The following GRIN2B variants were observed in gnomAD, a reference collection of about 807,000 sequenced individuals.
The protein encoded by GRIN2B is glutamate receptor ionotropic, NMDA 2B.
GRIN2B carries 5 observed loss-of-function variants against 114.5 expected under a neutral mutation model. That is an observed-to-expected ratio of 0.04 (90% CI 0.02 to 0.09). The LOEUF is 0.09. Among genes scored for constraint, GRIN2B ranks in the 10% least tolerant of loss-of-function variants. GRIN2B has a pLI of 1.00. For missense variants in GRIN2B, 1,108 were observed against 1,943.5 expected (o/e 0.57, Z 8.08); for synonymous variants, 787 against 745.1 (o/e 1.06, Z -0.92).
chr12:13,739,116 C>T (rs1467680407), intron 4 of GRIN2B, among the ~76,000 whole-genome samples: 35 of 152,090 alleles, frequency 2.3e-4, no homozygotes, highest in Admixed American at 2.3e-3. Context: ...TGTGGTGGCT[C>T]ACGCCTGTAA....
At chr12:13,881,283 C>A (rs1371012385) in intron 2 of GRIN2B, among the ~76,000 whole-genome samples, 1 of 152,178 alleles carries the variant, frequency 6.6e-6, no homozygotes. Context: ...GCACCATCCA[C>A]CTCAACACTT....
At position 13,819,668 on chromosome 12, in the gene GRIN2B, T is replaced by C. The variant is rs563117882; in HGVS notation, c.411+46130A>G. Reference sequence around the variant, plus strand: ...CACAAAACACAAAAATATGAGCACTTTTAAGATGAAATTAAGACTACAAAC... The same window carrying C: ...CACAAAACACAAAAATATGAGCACTCTTAAGATGAAATTAAGACTACAAAC... On this transcript the variant is annotated intron_variant, in intron 3 of 13. Coordinates refer to ENST00000609686, the MANE Select transcript of GRIN2B (RefSeq NM_000834.5). Among the ~76,000 whole-genome samples, 4 of 152,290 alleles carry C rather than the reference T, an allele frequency of 2.6e-5. No individual in the cohort carries two copies. In the South Asian group the frequency reaches 8.3e-4, roughly 32 times the overall value.
At chr12:13,842,971 T>C (rs2136717088) in intron 3 of GRIN2B, among the ~76,000 whole-genome samples, 1 of 148,496 alleles carries the variant, frequency 6.7e-6, no homozygotes, top group East Asian at 1.9e-4. Context: ...AACACTGCTT[T>C]TTAATTTTTT....
chr12:13,907,055 TC>T (rs1218287595), intron 2 of GRIN2B, among the ~76,000 whole-genome samples: 1 of 152,182 alleles, frequency 6.6e-6, no homozygotes, highest in Non-Finnish European at 1.5e-5. Context: ...GTAAGATTCC[TC>T]CCAGCCTCAC....
chr12:13,680,822 G>T (rs1240224099), intron 4 of GRIN2B, among the ~76,000 whole-genome samples: 4 of 151,990 alleles, frequency 2.6e-5, no homozygotes, highest in Non-Finnish European at 4.4e-5. Flanking sequence ...GCACATCCTG[G>T]ACTATATAGA....
chr12:13,697,534 A>G (rs1383816931), intron 4 of GRIN2B, among the ~76,000 whole-genome samples: 1 of 152,206 alleles, frequency 6.6e-6, no homozygotes, highest in Admixed American at 6.5e-5. Context: ...TGACAGTGAC[A>G]TTCCAAAAGC....
chr12:13,939,991 C>A (rs1359060033), intron 2 of GRIN2B, among the ~76,000 whole-genome samples: 1 of 152,084 alleles, frequency 6.6e-6, no homozygotes, highest in Non-Finnish European at 1.5e-5. Context: ...ACCACAGTGA[C>A]CTGTAAACCT....
intron 3 of GRIN2B, among the ~76,000 whole-genome samples, chr12:13,795,956 T>A (rs988312980): frequency 1.3e-5 from 2 of 151,522 alleles, no homozygotes; most frequent in Admixed American, 6.6e-5. Context: ...GGGGGAGGGA[T>A]AACATTAGGA....
chr12:13,869,146 C>G (rs1390911128), intron 2 of GRIN2B, among the ~76,000 whole-genome samples: 1 of 152,052 alleles, frequency 6.6e-6, no homozygotes, highest in Admixed American at 6.5e-5. Flanking sequence ...CCTACTTTAA[C>G]TAGTTGATAA....
intron 4 of GRIN2B, among the ~76,000 whole-genome samples, chr12:13,685,576 C>T (rs1950169230): frequency 6.6e-6 from 1 of 152,066 alleles, no homozygotes; most frequent in South Asian, 2.1e-4. Flanking sequence ...ACTCAAGATG[C>T]CTGGGTGAAG....
At chr12:13,921,320 C>A (rs143483787) in intron 2 of GRIN2B, among the ~76,000 whole-genome samples, 3,950 of 152,234 alleles carry the variant, frequency 0.026, 86 homozygotes, top group Middle Eastern at 0.092. Flanking sequence ...ATCGCTTGAA[C>A]CCGGGAGGCA....
intron 3 of GRIN2B, among the ~76,000 whole-genome samples, chr12:13,839,476 T>C (rs1865342672): frequency 6.6e-6 from 1 of 152,228 alleles, no homozygotes; most frequent in Admixed American, 6.5e-5. Flanking sequence ...TTCAGCTCCC[T>C]CTAGCCAGAA....
chr12:13,881,023 C>CGTGCGT (rs1565573550), intron 2 of GRIN2B, among the ~76,000 whole-genome samples: 8 of 149,424 alleles, frequency 5.4e-5, no homozygotes, highest in African/African-American at 1.9e-4. Context: ...TGCGCGTGCG[C>CGTGCGT]GCACGCATGT....
At chr12:13,857,933 T>G (rs1865691858) in intron 3 of GRIN2B, among the ~76,000 whole-genome samples, 1 of 152,078 alleles carries the variant, frequency 6.6e-6, no homozygotes, top group Non-Finnish European at 1.5e-5. Context: ...CTTCCAACCA[T>G]GACAAAATGC....
chr12:13,599,810 C>T (rs899527677), intron 10 of GRIN2B, among the ~76,000 whole-genome samples: 2 of 152,168 alleles, frequency 1.3e-5, no homozygotes, highest in African/African-American at 4.8e-5. Flanking sequence ...CTGCTCCTCC[C>T]CACCTGGGAG....
chr12:13,684,291 A>G (rs1950157998), intron 4 of GRIN2B, among the ~76,000 whole-genome samples: 1 of 152,164 alleles, frequency 6.6e-6, no homozygotes, highest in Non-Finnish European at 1.5e-5. Flanking sequence ...TGCTTTGAAC[A>G]CTATGTAATT....
chr12:13,846,226 A>G (rs1865470018), intron 3 of GRIN2B, among the ~76,000 whole-genome samples: 1 of 152,206 alleles, frequency 6.6e-6, no homozygotes, highest in Non-Finnish European at 1.5e-5. Context: ...TCTAACATCT[A>G]CACCATGCAA....
chr12:13,804,039 G>A (rs1229632159), intron 3 of GRIN2B, among the ~76,000 whole-genome samples: 1 of 152,066 alleles, frequency 6.6e-6, no homozygotes, highest in Non-Finnish European at 1.5e-5. Context: ...GTCTTTCTCT[G>A]AACTTGCCAA....
chr12:13,693,748 C>A (rs909122372), intron 4 of GRIN2B, among the ~76,000 whole-genome samples: 11 of 152,200 alleles, frequency 7.2e-5, no homozygotes, highest in Non-Finnish European at 1.6e-4. Context: ...ATCCCTCCTT[C>A]CCCTTCTCCG....
Sources: allele counts gnomAD v4.1 joint callset (sites outside exome capture counted in the v4.1 genomes callset), GRCh38; gene constraint gnomAD v4.1.1; transcripts MANE v1.5; gene names NCBI Gene and HGNC (gene_info 2026-07-23, HGNC 2026-07-21).